PLCB1: variants seen among roughly 807,000 people sequenced by gnomAD.
PLCB1 encodes the protein 1-phosphatidylinositol 4,5-bisphosphate phosphodiesterase beta-1.
Under a neutral mutation model 161.8 loss-of-function variants are expected in PLCB1, and 46 were observed. The ratio of observed to expected loss-of-function variants is 0.28; its 90% confidence interval spans 0.22 to 0.36. The LOEUF is 0.36. Ranked by LOEUF, PLCB1 falls within the 10% of genes least tolerant of loss-of-function variation. PLCB1 has a pLI of 1.00. For missense variants in PLCB1, 1,016 were observed against 1,472.5 expected, an observed-to-expected ratio of 0.69 and a Z score of 5.07; for synonymous variants, 517 against 503.7, an observed-to-expected ratio of 1.03 and a Z score of -0.35.
In PLCB1 at chr20:8,414,398, A is replaced by T. The variant is rs201616607; in HGVS notation, c.246+42948A>T. Among the ~76,000 whole-genome samples, 19 of 152,342 alleles carry T rather than the reference A, an allele frequency of 1.2e-4. No individual in the cohort carries two copies. The East Asian group carries it at 1.9e-3, about 15-fold the overall frequency. On this transcript the variant is annotated intron_variant, in intron 3 of 31. Transcript: ENST00000338037. The stretch of plus-strand genomic sequence containing the variant: ...CTTGGAAATAAGATTTGTGAAGTGC[A>T]CATTGTCTTGATGACCCATGGAATT...
chr20:8,680,893 T>C (rs902272488), intron 9 of PLCB1, among the ~76,000 whole-genome samples: 2 of 151,560 alleles, frequency 1.3e-5, no homozygotes, highest in African/African-American at 4.8e-5. Flanking sequence ...TTAATTGACC[T>C]GTAGGGTATT....
chr20:8,876,592 A>G (rs1361968853), intron 31 of PLCB1, among the ~76,000 whole-genome samples: 1 of 152,194 alleles, frequency 6.6e-6, no homozygotes, highest in Non-Finnish European at 1.5e-5. Flanking sequence ...AACCATAAAA[A>G]TCAGTCACAA....
intron 2 of PLCB1, among the ~76,000 whole-genome samples, chr20:8,359,630 G>T (rs1986474773): frequency 6.6e-6 from 1 of 152,154 alleles, no homozygotes; most frequent in Admixed American, 6.5e-5. Context: ...TTGCACGTTA[G>T]ATTACAGGGT....
chr20:8,842,864 G>A (rs745727172), intron 31 of PLCB1, among the ~76,000 whole-genome samples: 2 of 152,154 alleles, frequency 1.3e-5, no homozygotes, highest in Non-Finnish European at 2.9e-5. Flanking sequence ...CCCAGGGCGC[G>A]GTGCTGGGCT....
intron 3 of PLCB1, among the ~76,000 whole-genome samples, chr20:8,539,124 G>A (rs1457121528): frequency 2.0e-5 from 3 of 152,078 alleles, no homozygotes; most frequent in Non-Finnish European, 4.4e-5. Flanking sequence ...CCTTAAAAAA[G>A]TAATCAAATA....
chr20:8,376,363 A>G (rs766670773), intron 3 of PLCB1, among the ~76,000 whole-genome samples: 13 of 152,210 alleles, frequency 8.5e-5, no homozygotes, highest in Non-Finnish European at 1.9e-4. Flanking sequence ...GAATCACATA[A>G]GGTAGATTAG....
At chr20:8,476,744 A>G (rs1443035334) in intron 3 of PLCB1, among the ~76,000 whole-genome samples, 1 of 152,162 alleles carries the variant, frequency 6.6e-6, no homozygotes, top group East Asian at 1.9e-4. Context: ...GCATCCTTGG[A>G]GCACTCTGAA....
intron 31 of PLCB1, among the ~76,000 whole-genome samples, chr20:8,811,053 A>G (rs1984793904): frequency 6.6e-6 from 1 of 152,238 alleles, no homozygotes; most frequent in African/African-American, 2.4e-5. Flanking sequence ...AGGTAGGAGG[A>G]AAACCAAGAG....
chr20:8,683,499 T>C (rs1187071941), intron 9 of PLCB1, among the ~76,000 whole-genome samples: 1 of 152,126 alleles, frequency 6.6e-6, no homozygotes, highest in South Asian at 2.1e-4. Flanking sequence ...AGAAACAAAT[T>C]GTAGTGATAG....
chr20:8,831,906 TTCTTTCTCTTTC>T (rs756700391), intron 31 of PLCB1, among the ~76,000 whole-genome samples: 7 of 83,470 alleles, frequency 8.4e-5, no homozygotes, highest in Non-Finnish European at 1.8e-4. Context: ...CTCCCTCTCT[TTCTTTCTCTTTC>T]TTTCTTTCTT....
At chr20:8,387,977 T>TTA (rs1555802978) in intron 3 of PLCB1, among the ~76,000 whole-genome samples, 3,005 of 126,710 alleles carry the variant, frequency 0.024, 88 homozygotes, top group African/African-American at 0.073. Flanking sequence ...CCACTTTTTT[T>TTA]AAAAAAAAAA....
chr20:8,731,065 G>C (rs942161000), intron 18 of PLCB1, among the ~76,000 whole-genome samples: 3 of 151,770 alleles, frequency 2.0e-5, no homozygotes, highest in Non-Finnish European at 4.4e-5. Context: ...TTAAATGAGG[G>C]TTCCGAGTGG....
intron 3 of PLCB1, among the ~76,000 whole-genome samples, chr20:8,518,685 C>G (rs1984234086): frequency 6.6e-6 from 1 of 152,042 alleles, no homozygotes; most frequent in African/African-American, 2.4e-5. Flanking sequence ...ACCAGGGCAG[C>G]AGGTTGGGAG....
chr20:8,411,891 C>T (rs1356995044), intron 3 of PLCB1, among the ~76,000 whole-genome samples: 32 of 151,996 alleles, frequency 2.1e-4, no homozygotes, highest in Admixed American at 1.7e-3. Context: ...GGTGTGGTGG[C>T]GCATGCCTGT....
rs150526152 is a variant in PLCB1, at chr20:8,451,497, G to A, written c.246+80047G>A. 4.9e-3 allele frequency among the ~76,000 whole-genome samples: 752 copies of A among 152,126 alleles called. 2 individuals carry two copies. The highest frequency in any genetic ancestry group is 0.024 in the Middle Eastern group (7 of 294). ...TGAGTAGCTGGGACCACAGGTGGGC[G>A]TCACCACACCCAGCTAATTTTTTTG... On this transcript the variant is annotated intron_variant, in intron 3 of 31. Coordinates refer to ENST00000338037, the MANE Select transcript of PLCB1 (RefSeq NM_015192.4).
At chr20:8,801,967 C>T (rs1318687270) in intron 31 of PLCB1, 9 of 821,644 alleles carry the variant, frequency 1.1e-5, no homozygotes, top group Admixed American at 1.8e-5. Context: ...CTCCAAGAGA[C>T]GTCCCAGACA....
intron 4 of PLCB1, among the ~76,000 whole-genome samples, chr20:8,645,512 T>G (rs940058360): frequency 8.5e-5 from 13 of 152,170 alleles, no homozygotes; most frequent in Non-Finnish European, 1.6e-4. Context: ...TTCCATTATC[T>G]TGGAAGCCTA....
At chr20:8,641,547 A>G (rs1988957736) in intron 4 of PLCB1, among the ~76,000 whole-genome samples, 1 of 152,188 alleles carries the variant, frequency 6.6e-6, no homozygotes, top group African/African-American at 2.4e-5. Context: ...GGCATATGCC[A>G]TGTTTGCTAT....
At chr20:8,630,085 GT>G (rs11476024) in intron 4 of PLCB1, among the ~76,000 whole-genome samples, 23,051 of 83,720 alleles carry the variant, frequency 0.28, 2,412 homozygotes, top group African/African-American at 0.41. Context: ...TCTCTTTCTT[GT>G]TTTTTTTTTT....
Sources: gnomAD v4.1 joint callset for allele counts (sites outside exome capture counted in the v4.1 genomes callset) on GRCh38, gnomAD v4.1.1 for gene constraint, MANE v1.5 for transcripts, NCBI Gene and HGNC (gene_info 2026-07-23, HGNC 2026-07-21) for gene names.